Variants in SPG11 observed in about 807,000 individuals in gnomAD.
SPG11 encodes the protein SPG11 vesicle trafficking associated, spatacsin.
In SPG11, 222 loss-of-function variants were observed where a neutral mutation model predicts 274.0. The ratio of observed to expected loss-of-function variants is 0.81; its 90% CI spans 0.73 to 0.91. The LOEUF (loss-of-function observed/expected upper bound fraction) is 0.91, where lower values mean the gene tolerates loss of function less well. SPG11 is among the 40% of genes least tolerant of loss of function. The pLI is 0.00. For synonymous variants in SPG11, 1,144 were observed against 1,039.7 expected (o/e 1.10, Z -1.93); for missense variants, 3,114 against 2,872.7 (o/e 1.08, Z -1.92).
At position 44,633,551 on chromosome 15, in the gene SPG11, A is replaced by C. The variant is rs748537508; in HGVS notation, c.1689T>G (p.Ser563=). ...ENLFNPSSKS[S]VSDQFDHLSS... The stretch of plus-strand genomic sequence containing the variant: ...ACAAGTGATCAAACTGATCAGATAC[A>C]GAAGATTTTGAGGATGGATTAAAAA... The change falls in exon 8 of 40, where the codon TCT becomes TCG. Residue 563 remains serine (S), a synonymous_variant. Transcript: ENST00000261866. 48 of 1,611,286 alleles carry C rather than the reference A, an allele frequency of 3.0e-5. No individual in the cohort carries two copies. Among genetic ancestry groups the C allele is most frequent in the Non-Finnish European group, 3.9e-5 (46 of 1,177,750 alleles).
At chr15:44,661,508 A>C (rs1239344417) in intron 1 of SPG11, among the ~76,000 whole-genome samples, 2 of 152,112 alleles carry the variant, frequency 1.3e-5, no homozygotes, top group Admixed American at 1.3e-4. Context: ...GATTTAATTC[A>C]ATTAGTAATA....
In SPG11 at chr15:44,589,375, C is replaced by T; in HGVS notation, c.4783G>A (p.Ala1595Thr). ...CACACCTGATCCTCCAGCCACATGG[C>T]AGGGATGACAGGGTGGACCTTTGTG... Reference protein sequence around the residue: ...AATKVHPVIPAMWLEDQVCFL... With the variant: ...AATKVHPVIPTMWLEDQVCFL... The change falls in exon 28 of 40, where the codon GCC becomes ACC. Residue 1595 changes from alanine (A) to threonine (T), a missense_variant. Coordinates refer to ENST00000261866, the MANE Select transcript of SPG11 (RefSeq NM_025137.4). 6.2e-7 allele frequency: 1 copy of T among 1,614,092 alleles called. No individual in the cohort carries two copies. Among genetic ancestry groups the T allele is most frequent in the Non-Finnish European group, 8.5e-7 (1 of 1,179,966 alleles).
At chr15:44,600,425 T>G in intron 21 of SPG11, 42 bp downstream of exon 21, 1 of 1,608,722 alleles carries the variant, frequency 6.2e-7, no homozygotes. Flanking sequence ...ATTACAGGTG[T>G]GAACCACTGT....
chr15:44,604,794 G>C (rs1376155682), intron 20 of SPG11, among the ~76,000 whole-genome samples: 6 of 151,596 alleles, frequency 4.0e-5, no homozygotes, highest in Non-Finnish European at 8.8e-5. Flanking sequence ...CAGGCGTGGT[G>C]GTGGGTACCT....
At chr15:44,579,637 A>G (rs1243079083) in intron 30 of SPG11, among the ~76,000 whole-genome samples, 2 of 152,232 alleles carry the variant, frequency 1.3e-5, no homozygotes, top group African/African-American at 4.8e-5. Flanking sequence ...TCATCTGACA[A>G]AGAATTTAAA....
At chr15:44,620,025 T>G (rs372004524) in intron 15 of SPG11, 165 bp downstream of exon 15, 10 of 673,938 alleles carry the variant, frequency 1.5e-5, no homozygotes, top group African/African-American at 1.4e-4. Flanking sequence ...CAAATGAGTA[T>G]GATTTTAAAA....
At chr15:44,627,967 C>T (rs1201071730) in intron 10 of SPG11, among the ~76,000 whole-genome samples, 1 of 152,184 alleles carries the variant, frequency 6.6e-6, no homozygotes, top group African/African-American at 2.4e-5. Context: ...AATCCCTCCA[C>T]CCCAAGAACA....
chr15:44,651,939 C>T lies in SPG11; in HGVS notation c.1008G>A (p.Arg336=). 1 of 1,608,792 alleles carries T rather than the reference C, an allele frequency of 6.2e-7. No homozygotes were observed. Among genetic ancestry groups the T allele is most frequent in the Non-Finnish European group, 8.5e-7 (1 of 1,178,914 alleles). Residue 336 remains arginine, a splice_region_variant and synonymous_variant, in exon 6 of 40, where the codon AGG becomes AGA. Coordinates refer to ENST00000261866, the MANE Select transcript of SPG11 (RefSeq NM_025137.4). ...KLAKFSFQID[R]SWKAQLSSLN... ...ATGATGATAGCTGGGCTTTCCAAGA[C>T]CTGGAAACAAGGTAAAATATAACTT...
chr15:44,642,184 C>T (rs552410291), intron 7 of SPG11, among the ~76,000 whole-genome samples: 10 of 150,340 alleles, frequency 6.7e-5, no homozygotes, highest in Non-Finnish European at 4.4e-5. Context: ...TGGCAAATAT[C>T]GTGAAACCCC....
intron 31 of SPG11, among the ~76,000 whole-genome samples, chr15:44,574,511 A>G (rs2082492977): frequency 6.6e-6 from 1 of 152,102 alleles, no homozygotes; most frequent in Non-Finnish European, 1.5e-5. Flanking sequence ...AAAGGTACAG[A>G]CGATTTCTGC....
At chr15:44,633,469 G>T in intron 8 of SPG11, 36 bp downstream of exon 8, 1 of 1,474,468 alleles carries the variant, frequency 6.8e-7, no homozygotes, top group Non-Finnish European at 9.3e-7. Context: ...AAGATCAAAT[G>T]ATAAATACAA....
At chr15:44,652,330 ACTG>A (rs970844829) in intron 4 of SPG11, 64 bp from the exon 5 acceptor site, 18 of 1,545,706 alleles carry the variant, frequency 1.2e-5, no homozygotes, top group African/African-American at 1.4e-5. Flanking sequence ...TTGTGTTACT[ACTG>A]CTCCTGTTAA....
intron 19 of SPG11, among the ~76,000 whole-genome samples, chr15:44,607,304 C>T (rs141742680): frequency 5.3e-5 from 8 of 152,242 alleles, no homozygotes; most frequent in South Asian, 4.1e-4. Flanking sequence ...TTTTTTGAGA[C>T]GGGGTCTCGC....
Position 44,566,264 on chromosome 15 carries a change from G to A in SPG11, c.6796C>T (p.Leu2266=), listed in dbSNP as rs1457873765. 1.2e-6 allele frequency: 2 copies of A among 1,614,194 alleles called. No homozygotes were observed. The highest frequency in any genetic ancestry group is 1.7e-6 in the Non-Finnish European group (2 of 1,180,030). ...TCCAACATCAGAGTCAGGGCCTTCA[G>A]CAGCAGTTGTTTCAGCTGGTGCCCA... ...KDGHQLKQLL[L]KALTLMLDAA... is the part of the protein sequence containing the mutation. Residue 2266 remains leucine, a synonymous_variant, in exon 37 of 40, where the codon CTG becomes TTG. Coordinates refer to ENST00000261866, the MANE Select transcript of SPG11 (RefSeq NM_025137.4).
intron 2 of SPG11, 39 bp from the exon 3 acceptor site, chr15:44,659,342 A>C (rs199700877): frequency 6.6e-7 from 1 of 1,524,910 alleles, no homozygotes; most frequent in Non-Finnish European, 9.1e-7. Flanking sequence ...CTCATTGGTC[A>C]CAATTTTACA....
In SPG11 at chr15:44,598,294, C is replaced by T. The variant is rs751282858; in HGVS notation, c.3972G>A (p.Trp1324Ter). The T allele has an allele frequency of 6.2e-7, 1 of 1,613,944 alleles. No homozygotes were observed. Among genetic ancestry groups the T allele is most frequent in the Non-Finnish European group, 8.5e-7 (1 of 1,179,852 alleles). The change falls in exon 23 of 40, where the codon TGG becomes TGA. Residue 1324 changes from tryptophan (W) to a stop codon, truncating the protein, a stop_gained. Coordinates refer to ENST00000261866, the MANE Select transcript of SPG11 (RefSeq NM_025137.4). LOFTEE classifies it high-confidence loss of function. The part of the protein sequence containing the change: ...ELLVLLEEGT[W>*]NSIQQQEIKR... Reference sequence around the variant, plus strand: ...TTATTTCCTGTTGCTGAATGCTGTTCCATGTACCTTCTTCTAAGAGAACAA... The same window carrying T: ...TTATTTCCTGTTGCTGAATGCTGTTTCATGTACCTTCTTCTAAGAGAACAA...
At chr15:44,613,860 T>C (rs1185713700) in intron 16 of SPG11, among the ~76,000 whole-genome samples, 1 of 152,206 alleles carries the variant, frequency 6.6e-6, no homozygotes, top group Non-Finnish European at 1.5e-5. Context: ...TTTTAGCATA[T>C]TCAAACTTAA....
At chr15:44,659,398 A>G (rs2085037854) in intron 2 of SPG11, 95 bp from the exon 3 acceptor site, 1 of 1,101,176 alleles carries the variant, frequency 9.1e-7, no homozygotes, top group Non-Finnish European at 1.4e-6. Context: ...AAGTAAAACA[A>G]AAAAGGAACT....
chr15:44,595,882 T>G (rs1490405117), intron 25 of SPG11, among the ~76,000 whole-genome samples: 2 of 152,220 alleles, frequency 1.3e-5, no homozygotes, highest in Non-Finnish European at 2.9e-5. Context: ...TTGAGTTCAC[T>G]GAATGTCAAG....
Sources: allele counts gnomAD v4.1 joint callset (sites outside exome capture counted in the v4.1 genomes callset), GRCh38; gene constraint gnomAD v4.1.1; transcripts MANE v1.5; gene names NCBI Gene and HGNC (gene_info 2026-07-23, HGNC 2026-07-21).